ADAM32: variants seen among roughly 807,000 people sequenced by gnomAD.
ADAM32 encodes disintegrin and metalloproteinase domain-containing protein 32.
In ADAM32, 89 loss-of-function variants were observed where a neutral mutation model predicts 114.9. The ratio of observed to expected loss-of-function variants is 0.77; its 90% CI spans 0.65 to 0.92. The LOEUF (loss-of-function observed/expected upper bound fraction) is 0.92. ADAM32 is among the 40% of genes least tolerant of loss of function. ADAM32 has a pLI of 0.00. For missense variants in ADAM32, 870 were observed against 932.8 expected (o/e 0.93, Z 0.88); for synonymous variants, 285 against 307.5 (o/e 0.93, Z 0.77).
intron 2 of ADAM32, among the ~76,000 whole-genome samples, chr8:39,133,831 C>T (rs1564458142): frequency 6.6e-6 from 1 of 152,178 alleles, no homozygotes; most frequent in Non-Finnish European, 1.5e-5. Flanking sequence ...AGCTTGCCCT[C>T]AGGCTCAAGG....
At chr8:39,166,648 C>CAAT (rs1214108629) in intron 9 of ADAM32, 1 of 152,182 alleles carries the variant, frequency 6.6e-6, no homozygotes, top group African/African-American at 2.4e-5. Flanking sequence ...AGTTTACATT[C>CAAT]CCACCAGCAG....
chr8:39,182,812 G>A (rs1484715002), intron 10 of ADAM32, among the ~76,000 whole-genome samples: 2 of 152,168 alleles, frequency 1.3e-5, no homozygotes, highest in East Asian at 1.9e-4. Context: ...ATGCATTTGA[G>A]GAGATGTTCA....
At chr8:39,284,376 CGTA>C in intron 24 of ADAM32, among the ~76,000 whole-genome samples, 1 of 143,560 alleles carries the variant, frequency 7.0e-6, no homozygotes, top group East Asian at 2.0e-4. Flanking sequence ...CACACACACA[CGTA>C]CACACACACA....
intron 6 of ADAM32, among the ~76,000 whole-genome samples, chr8:39,152,720 C>CAAAAAAAAAAA (rs112877602): frequency 1.2e-4 from 16 of 136,892 alleles, no homozygotes; most frequent in African/African-American, 4.3e-4. Flanking sequence ...GACTCCATCT[C>CAAAAAAAAAAA]AAAAAAAAAA....
rs190279002 is a variant in ADAM32, at chr8:39,176,057, A to G, written c.915+6060A>G. 1.3e-3 allele frequency among the ~76,000 whole-genome samples: 192 copies of G among 152,136 alleles called. 2 individuals carry two copies. The highest frequency in any genetic ancestry group is 4.0e-3 in the Admixed American group (61 of 15,278). ...CCCCTTATCATTTCTGATTGTATCTATTTGATTCTTCTCTCTTTTCTTCTT... is the reference window on the plus strand; with the variant it reads ...CCCCTTATCATTTCTGATTGTATCTGTTTGATTCTTCTCTCTTTTCTTCTT... On this transcript the variant is annotated intron_variant, in intron 10 of 24. Transcript: ENST00000379907.
intron 11 of ADAM32, among the ~76,000 whole-genome samples, chr8:39,194,056 G>A (rs989683698): frequency 2.0e-5 from 3 of 152,188 alleles, no homozygotes; most frequent in African/African-American, 7.2e-5. Context: ...GTACTGGGGT[G>A]CTGGCTTCCA....
intron 11 of ADAM32, among the ~76,000 whole-genome samples, chr8:39,200,493 G>A (rs1289399528): frequency 6.6e-6 from 1 of 152,112 alleles, no homozygotes; most frequent in Non-Finnish European, 1.5e-5. Flanking sequence ...TTGTAAATTT[G>A]TTGGAGTTCT....
intron 24 of ADAM32, among the ~76,000 whole-genome samples, chr8:39,284,378 T>TACACACACACACACAC (rs367964426): frequency 7.0e-5 from 10 of 142,034 alleles, no homozygotes; most frequent in African/African-American, 2.6e-4. Flanking sequence ...CACACACACG[T>TACACACACACACACAC]ACACACACAC....
intron 8 of ADAM32, 69 bp downstream of exon 8, chr8:39,164,904 G>A (rs982684052): frequency 1.5e-5 from 22 of 1,513,006 alleles, no homozygotes; most frequent in Non-Finnish European, 1.7e-5. Context: ...AACTTGATGC[G>A]GTATTCCTGG....
chr8:39,153,098 G>C (rs993530893), intron 6 of ADAM32, among the ~76,000 whole-genome samples: 3 of 152,188 alleles, frequency 2.0e-5, no homozygotes, highest in Non-Finnish European at 4.4e-5. Context: ...ATGTGAGAGA[G>C]AAATAGACTC....
chr8:39,226,523 A>G (rs1479151032), intron 14 of ADAM32, among the ~76,000 whole-genome samples: 4 of 152,096 alleles, frequency 2.6e-5, no homozygotes, highest in Non-Finnish European at 5.9e-5. Flanking sequence ...TGACATTTTG[A>G]AAGAAGCAAG....
intron 19 of ADAM32, among the ~76,000 whole-genome samples, chr8:39,262,747 G>A (rs761081837): frequency 8.7e-5 from 13 of 149,300 alleles, no homozygotes; most frequent in South Asian, 4.2e-4. Context: ...TTGCTCTGTC[G>A]CCCAGGCTGG....
Position 39,250,604 on chromosome 8 carries a change from T to G in ADAM32, c.1903-3810T>G, listed in dbSNP as rs186871240. Among the ~76,000 whole-genome samples the G allele has an allele frequency of 2.3e-3, 344 of 152,176 alleles. 1 individual carries two copies. Among genetic ancestry groups the G allele is most frequent in the African/African-American group, 7.9e-3 (329 of 41,566 alleles). On this transcript the variant is annotated intron_variant, in intron 17 of 24. Transcript: ENST00000379907. ...TTGTGGGGGTATAAATGATAATACA[T>G]TCATATAATTCATAAAAATCAAATC...
At chr8:39,275,942 C>T (rs1474493102) in intron 22 of ADAM32, 76 bp downstream of exon 22, 4 of 1,352,414 alleles carry the variant, frequency 3.0e-6, no homozygotes, top group Non-Finnish European at 3.0e-6. Flanking sequence ...TGATAATTAA[C>T]AATTACTTGC....
In ADAM32 at chr8:39,275,821, C is replaced by T. The variant is rs895912042; in HGVS notation, c.2241-7C>T. 1.3e-6 allele frequency: 2 copies of T among 1,553,836 alleles called. No individual in the cohort carries two copies. The highest frequency in any genetic ancestry group is 1.4e-5 in the African/African-American group (1 of 73,200). ...CGTGGAAGCATTACTTTTTCGCTTT[C>T]TTTTAGAACCAGATCAGAAAGCAGC... is the stretch of plus-strand genomic sequence containing the variant. On this transcript the variant is annotated splice_region_variant and splice_polypyrimidine_tract_variant and intron_variant, in intron 21 of 24. Transcript: ENST00000379907.
rs1472223890 is a variant in ADAM32 at position 39,249,546 on chromosome 8, TGAAA to T, written c.1902+3383_1902+3386del. Among the ~76,000 whole-genome samples, 10 of 152,216 alleles carry T rather than the reference TGAAA, an allele frequency of 6.6e-5. 1 individual carries two copies. The highest frequency in any genetic ancestry group is 6.5e-4 in the Admixed American group (10 of 15,276). ...AAGTATCCCCTCTGCTTCTGTCTTC[TGAAA>T]GAGATTGTAAGAGATTATAGAAAAT... On this transcript the variant is annotated intron_variant, in intron 17 of 24. Coordinates refer to ENST00000379907, the MANE Select transcript of ADAM32 (RefSeq NM_145004.7).
chr8:39,261,283 T>C (rs1180385243), intron 19 of ADAM32, among the ~76,000 whole-genome samples: 1 of 152,200 alleles, frequency 6.6e-6, no homozygotes, highest in Non-Finnish European at 1.5e-5. Context: ...GATCAACTTT[T>C]TTTTAGCTTC....
In ADAM32 at chr8:39,225,076, A is replaced by G. The variant is rs568000993; in HGVS notation, c.1525+1838A>G. On this transcript the variant is annotated intron_variant, in intron 14 of 24. Coordinates refer to ENST00000379907, the MANE Select transcript of ADAM32 (RefSeq NM_145004.7). Reference sequence around the variant, plus strand: ...TCATCCCTGCCTCTGGCTCCATGGAAAATGAGATCCAAATGTGCCTTTCCT... The same window carrying G: ...TCATCCCTGCCTCTGGCTCCATGGAGAATGAGATCCAAATGTGCCTTTCCT... Among the ~76,000 whole-genome samples, 129 of 152,282 alleles carry G rather than the reference A, an allele frequency of 8.5e-4. 1 individual carries two copies. The highest frequency in any genetic ancestry group is 3.0e-3 in the African/African-American group (126 of 41,556).
At chr8:39,182,146 A>T (rs1805938705) in intron 10 of ADAM32, among the ~76,000 whole-genome samples, 1 of 152,230 alleles carries the variant, frequency 6.6e-6, no homozygotes, top group African/African-American at 2.4e-5. Flanking sequence ...AGAAACAAAA[A>T]AATGTATAGG....
Sources: gnomAD v4.1 joint callset for allele counts (sites outside exome capture counted in the v4.1 genomes callset) on GRCh38, gnomAD v4.1.1 for gene constraint, MANE v1.5 for transcripts, NCBI Gene and HGNC (gene_info 2026-07-23, HGNC 2026-07-21) for gene names.